Variants in NCKAP5L observed in about 807,000 individuals in gnomAD.
The protein encoded by NCKAP5L is NCK associated protein 5 like.
A neutral mutation model predicts 103.2 loss-of-function variants in NCKAP5L; 54 were observed. That is an observed-to-expected ratio of 0.52 (90% CI 0.42 to 0.66). NCKAP5L has a LOEUF of 0.66. Among genes scored for constraint, NCKAP5L ranks in the 30% least tolerant of loss-of-function variants. NCKAP5L has a pLI of 0.00. For missense variants in NCKAP5L, 1,733 were observed against 1,750.6 expected (o/e 0.99, Z 0.18); for synonymous variants, 762 against 748.6 (o/e 1.02, Z -0.29).
intron 3 of NCKAP5L, 150 bp downstream of exon 3, chr12:49,803,772 G>C (rs1592753389): frequency 1.9e-6 from 2 of 1,075,762 alleles, no homozygotes; most frequent in African/African-American, 1.6e-5. Flanking sequence ...CTTTGCAAAA[G>C]AATGTTCTGC....
rs556309192 is a variant in NCKAP5L at position 49,824,113 on chromosome 12, C to T, written c.-99+4209G>A. On this transcript the variant is annotated intron_variant, in intron 1 of 12. Coordinates refer to ENST00000335999, the MANE Select transcript of NCKAP5L (RefSeq NM_001037806.4). ...GTGAAGAAAGACCCAGATATGTGTCCCAAGCTCCCTCCTAGGCTGCAGCAG... is the reference window on the plus strand; with the variant it reads ...GTGAAGAAAGACCCAGATATGTGTCTCAAGCTCCCTCCTAGGCTGCAGCAG... 4.2e-4 allele frequency among the ~76,000 whole-genome samples: 64 copies of T among 152,282 alleles called. No individual in the cohort carries two copies. In the Middle Eastern group the frequency reaches 0.014, roughly 32 times the overall value.
chr12:49,795,755 C>T lies in NCKAP5L; in HGVS notation c.2105G>A (p.Gly702Glu). ...TEKTRGPGKS[G>E]ESAGDMVPSI... is the part of the protein sequence containing the mutation. ...GGGCACCATGTCTCCAGCACTCTCCCCTGACTTCCCAGGTCCCCGGGTCTT... is the reference window on the plus strand; with the variant it reads ...GGGCACCATGTCTCCAGCACTCTCCTCTGACTTCCCAGGTCCCCGGGTCTT... Residue 702 changes from glycine to glutamate, a missense_variant, in exon 8 of 13, where the codon GGG (glycine) becomes GAG (glutamate). By Grantham distance (98) the Gly-to-Glu change is moderately conservative. Transcript: ENST00000335999. The T allele has an allele frequency of 6.3e-7, 1 of 1,597,554 alleles. No homozygotes were observed. The highest frequency in any genetic ancestry group is 8.5e-7 in the Non-Finnish European group (1 of 1,172,320).
chr12:49,795,035 T>C lies in NCKAP5L; in HGVS notation c.2825A>G (p.Glu942Gly). ...GAGCGGGGAGCCCCCGCCAGCCCCC[T>C]CCTTGTTCTTGGTGGCCTCTGTGCG... ...NRRTEATKNK[E>G]GAGGGSPLRR... The change falls in exon 8 of 13, where the codon GAG becomes GGG. Residue 942 changes from glutamate to glycine, a missense_variant. Transcript: ENST00000335999. The C allele has an allele frequency of 6.2e-7, 1 of 1,609,334 alleles. No individual in the cohort carries two copies. Among genetic ancestry groups the C allele is most frequent in the South Asian group, 1.1e-5 (1 of 90,298 alleles).
At chr12:49,825,776 G>A (rs982840790) in intron 1 of NCKAP5L, among the ~76,000 whole-genome samples, 4 of 152,222 alleles carry the variant, frequency 2.6e-5, no homozygotes, top group Non-Finnish European at 5.9e-5. Context: ...AGAGCCAGCA[G>A]AGGGAAAAGT....
intron 7 of NCKAP5L, 129 bp downstream of exon 7, chr12:49,798,221 C>T (rs1946079499): frequency 2.4e-6 from 2 of 850,554 alleles, no homozygotes; most frequent in South Asian, 2.9e-5. Context: ...TGGGGATCTG[C>T]TTTTTTTGGC....
At chr12:49,822,600 G>A (rs190361831) in intron 1 of NCKAP5L, among the ~76,000 whole-genome samples, 44 of 149,772 alleles carry the variant, frequency 2.9e-4, no homozygotes, top group African/African-American at 1.1e-3. Flanking sequence ...AGGCTGGAGT[G>A]CAGTGGCTCA....
chr12:49,791,954 G>A lies in NCKAP5L; in HGVS notation c.3890C>T (p.Ser1297Leu), dbSNP rs749398110. Residue 1297 changes from serine (S) to leucine (L), a missense_variant, in exon 13 of 13, where the codon TCG (serine) becomes TTG (leucine). By Grantham distance (145) the Ser-to-Leu change is moderately radical. Transcript: ENST00000335999. ...CACTCTGCCTTCCTCGGCCATGTCC[G>A]AAGTGCTGGGGGTGCGGCTACCCCC... ...PFGGSRTPSTSDMAEEGRVAS... is the reference protein window; with the variant it reads ...PFGGSRTPSTLDMAEEGRVAS... 3.7e-6 allele frequency: 6 copies of A among 1,611,990 alleles called. No individual in the cohort carries two copies. The highest frequency in any genetic ancestry group is 3.3e-5 in the Admixed American group (2 of 59,874).
chr12:49,798,565 GGACTCCCA>G, intron 6 of NCKAP5L, 102 bp from the exon 7 acceptor site: 1 of 981,020 alleles, frequency 1.0e-6, no homozygotes, highest in Non-Finnish European at 1.6e-6. Flanking sequence ...CCTTCACGGA[GGACTCCCA>G]GACTCCCAGC....
rs897001540 is a variant in NCKAP5L, at chr12:49,794,006, C to T, written c.3096-110G>A. 6.7e-6 allele frequency: 7 copies of T among 1,045,316 alleles called. No homozygotes were observed. In the Admixed American group the frequency reaches 2.1e-4, roughly 31 times the overall value. 64.8% of individuals were successfully genotyped at this position (1,045,316 alleles called of 1,614,324 possible). A position where few individuals can be genotyped will look rare whatever the true frequency, so the allele number is the denominator to read the frequency against. The stretch of plus-strand genomic sequence containing the variant: ...TAGGGAGGCACTTCCTGCCATCCAC[C>T]CCCGGGGAAGGGGACATGTCGCTAG... On this transcript the variant is annotated intron_variant, in intron 8 of 12. Transcript: ENST00000335999.
Position 49,795,480 on chromosome 12 carries a change from G to A in NCKAP5L, c.2380C>T (p.Pro794Ser). The A allele has an allele frequency of 6.5e-7, 1 of 1,539,266 alleles. No individual in the cohort carries two copies. The highest frequency in any genetic ancestry group is 1.4e-5 in the African/African-American group (1 of 72,244). Residue 794 changes from proline (P) to serine (S), a missense_variant, in exon 8 of 13, where the codon CCT (proline) becomes TCT (serine). By Grantham distance (74) the Pro-to-Ser change is moderately conservative. Transcript: ENST00000335999. Reference protein sequence around the residue: ...GALCPQVPRTPAKVPTSAPSL... With the variant: ...GALCPQVPRTSAKVPTSAPSL... ...GGGGCTGAGGTTGGCACTTTGGCAGGGGTACGGGGTACCTGGGGGCACAGG... is the reference window on the plus strand; with the variant it reads ...GGGGCTGAGGTTGGCACTTTGGCAGAGGTACGGGGTACCTGGGGGCACAGG...
At position 49,794,753 on chromosome 12, in the gene NCKAP5L, C is replaced by T. The variant is rs1450973602; in HGVS notation, c.3095+12G>A. On this transcript the variant is annotated intron_variant, in intron 8 of 12. Transcript: ENST00000335999. ...CCCACCAAGCCCCTGTTGACTGATC[C>T]CAGGACCTCACCTGTTTAGCAGCTG... 2.7e-6 allele frequency: 4 copies of T among 1,483,662 alleles called. No homozygotes were observed. Among genetic ancestry groups the T allele is most frequent in the East Asian group, 5.0e-5 (2 of 39,918 alleles). 91.9% of individuals were successfully genotyped at this position (1,483,662 alleles called of 1,614,324 possible). A position where few individuals can be genotyped will look rare whatever the true frequency, so the allele number is the denominator to read the frequency against.
chr12:49,794,682 C>T (rs1946001634), intron 8 of NCKAP5L, 83 bp downstream of exon 8: 1 of 1,128,828 alleles, frequency 8.9e-7, no homozygotes, highest in Non-Finnish European at 1.2e-6. Context: ...AAAAGCAGGC[C>T]TAGCTCCAGA....
chr12:49,810,428 G>A (rs752335264), intron 1 of NCKAP5L, among the ~76,000 whole-genome samples: 7 of 152,100 alleles, frequency 4.6e-5, no homozygotes, highest in Non-Finnish European at 8.8e-5. Context: ...AAATCATTCC[G>A]TCTCCCCGAG....
intron 5 of NCKAP5L, chr12:49,802,744 AAG>A (rs1192376776): frequency 5.0e-6 from 3 of 595,312 alleles, no homozygotes; most frequent in Non-Finnish European, 8.9e-6. Context: ...AGGGTAAGGG[AAG>A]AAGTCATGCT....
Position 49,792,178 on chromosome 12 carries a change from G to A in NCKAP5L, c.3793-127C>T. ...CTGCTCCAGAGGGGGCCCAAGGTGG[G>A]GTATACTTCAGAGGAAACAGGCTGG... is the stretch of plus-strand genomic sequence containing the variant. On this transcript the variant is annotated intron_variant, in intron 12 of 12. Coordinates refer to ENST00000335999, the MANE Select transcript of NCKAP5L (RefSeq NM_001037806.4). The surrounding 1 kb of genome is among the most constrained non-coding windows in gnomAD (Gnocchi z 4.5). 2 of 1,052,360 alleles carry A rather than the reference G, an allele frequency of 1.9e-6. No homozygotes were observed. The highest frequency in any genetic ancestry group is 3.0e-5 in the South Asian group (2 of 66,512). The allele number at this position is 1,052,360 out of a possible 1,614,324, so 65.2% of individuals were successfully genotyped here.
intron 5 of NCKAP5L, 120 bp downstream of exon 5, chr12:49,802,838 A>G (rs1946135006): frequency 4.9e-6 from 6 of 1,227,704 alleles, no homozygotes; most frequent in Non-Finnish European, 6.8e-6. Flanking sequence ...GACCCGCCCA[A>G]GGCGGAAAGA....
chr12:49,818,553 C>T (rs1275681041), intron 1 of NCKAP5L, among the ~76,000 whole-genome samples: 1 of 152,008 alleles, frequency 6.6e-6, no homozygotes, highest in Non-Finnish European at 1.5e-5. Context: ...TAGAGACAGA[C>T]TTTGACCACG....
intron 3 of NCKAP5L, 124 bp downstream of exon 3, chr12:49,803,798 C>T: frequency 7.7e-7 from 1 of 1,301,740 alleles, no homozygotes; most frequent in Non-Finnish European, 1.0e-6. Context: ...TCCTGCCTGG[C>T]AAAGCAGGCC....
At position 49,796,143 on chromosome 12, in the gene NCKAP5L, C is replaced by T; in HGVS notation, c.1717G>A (p.Glu573Lys). The change falls in exon 8 of 13, where the codon GAG becomes AAG. Residue 573 changes from glutamate to lysine, a missense_variant. Physicochemically the swap from Glu to Lys is moderately conservative, Grantham distance 56. Transcript: ENST00000335999. ...ACCTGCAGTGGGGATGGAGGTGGCT[C>T]TGGGGAAGGCCCCCTAAAGGTGCTC... The part of the protein sequence containing the change: ...SRSTFRGPSP[E>K]PPPSPLQVPT... 6.2e-7 allele frequency: 1 copy of T among 1,611,420 alleles called. No homozygotes were observed. Among genetic ancestry groups the T allele is most frequent in the Non-Finnish European group, 8.5e-7 (1 of 1,179,072 alleles).
Sources: gnomAD v4.1 joint callset for allele counts (sites outside exome capture counted in the v4.1 genomes callset) on GRCh38, gnomAD v4.1.1 for gene constraint, Gnocchi (gnomAD v3.1) non-coding constraint, MANE v1.5 for transcripts, NCBI Gene and HGNC (gene_info 2026-07-23, HGNC 2026-07-21) for gene names.